Variants in EBF2 observed in about 807,000 individuals in gnomAD.
The protein encoded by EBF2 is EBF transcription factor 2.
Under a neutral mutation model 72.8 loss-of-function variants are expected in EBF2, and 21 were observed. The ratio of observed to expected loss-of-function variants is 0.29; its 90% CI spans 0.20 to 0.42. The LOEUF is 0.42. Among genes scored for constraint, EBF2 ranks in the 10% least tolerant of loss-of-function variants. The pLI is 1.00. For missense variants in EBF2, 637 were observed against 731.2 expected, an observed-to-expected ratio of 0.87 and a Z score of 1.49; for synonymous variants, 299 against 274.2, an observed-to-expected ratio of 1.09 and a Z score of -0.89.
intron 6 of EBF2, among the ~76,000 whole-genome samples, chr8:25,972,252 G>A (rs1006259854): frequency 3.3e-5 from 5 of 152,130 alleles, no homozygotes; most frequent in Admixed American, 6.5e-5. Context: ...CGTAGACCCC[G>A]AGGGAGCCAA....
intron 7 of EBF2, among the ~76,000 whole-genome samples, chr8:25,893,111 A>G (rs1187587040): frequency 6.6e-6 from 1 of 152,184 alleles, no homozygotes; most frequent in African/African-American, 2.4e-5. Flanking sequence ...TGAAGATTGT[A>G]TTGCCTACCC....
chr8:26,042,670 G>A (rs568870142), intron 1 of EBF2, among the ~76,000 whole-genome samples: 31 of 152,306 alleles, frequency 2.0e-4, no homozygotes, highest in Non-Finnish European at 4.0e-4. Flanking sequence ...GCAGAGCTGG[G>A]GCCCAGGGTT....
chr8:25,892,603 T>C (rs1463326402), intron 7 of EBF2, among the ~76,000 whole-genome samples: 3 of 152,196 alleles, frequency 2.0e-5, no homozygotes, highest in Non-Finnish European at 4.4e-5. Context: ...TTTGATGACA[T>C]CTTTTTAAGT....
intron 15 of EBF2, among the ~76,000 whole-genome samples, chr8:25,847,854 C>G (rs1801870002): frequency 6.6e-6 from 1 of 152,036 alleles, no homozygotes; most frequent in Admixed American, 6.5e-5. Context: ...ACAGGTAGTT[C>G]TATTTTTTTC....
At chr8:25,892,903 G>A (rs1802808365) in intron 7 of EBF2, among the ~76,000 whole-genome samples, 1 of 152,130 alleles carries the variant, frequency 6.6e-6, no homozygotes, top group African/African-American at 2.4e-5. Flanking sequence ...GTTTTCAATT[G>A]TGTCCATGTT....
intron 2 of EBF2, among the ~76,000 whole-genome samples, 187 bp downstream of exon 2, chr8:26,041,908 T>C (rs932673541): frequency 2.0e-5 from 3 of 151,858 alleles, no homozygotes; most frequent in Non-Finnish European, 4.4e-5. Context: ...CAGCTCCAGG[T>C]TGGGGGAGTC....
chr8:26,018,790 T>C (rs1259460516), intron 6 of EBF2, among the ~76,000 whole-genome samples: 1 of 152,118 alleles, frequency 6.6e-6, no homozygotes, highest in African/African-American at 2.4e-5. Context: ...AAGAGGTCCC[T>C]GAGCTTGGAT....
At chr8:26,035,238 G>T (rs968583846) in intron 5 of EBF2, among the ~76,000 whole-genome samples, 2 of 151,754 alleles carry the variant, frequency 1.3e-5, no homozygotes, top group Non-Finnish European at 2.9e-5. Flanking sequence ...AACCTTCCAG[G>T]TTTAAATGAT....
chr8:26,006,294 G>A (rs562314804), intron 6 of EBF2, among the ~76,000 whole-genome samples: 1 of 152,140 alleles, frequency 6.6e-6, no homozygotes, highest in African/African-American at 2.4e-5. Flanking sequence ...ATTTTACAGA[G>A]TAGTATCTAC....
At position 26,026,017 on chromosome 8, in the gene EBF2, T is replaced by A. The variant is rs75371409; in HGVS notation, c.551+7068A>T. On this transcript the variant is annotated intron_variant, in intron 6 of 15. Transcript: ENST00000520164. ...GTGAGACCCTGTCTCTACAAAAAAATAAAATTTAAAAGATAGCCCGGCATA... is the reference window on the plus strand; with the variant it reads ...GTGAGACCCTGTCTCTACAAAAAAAAAAAATTTAAAAGATAGCCCGGCATA... Among the ~76,000 whole-genome samples the A allele has an allele frequency of 4.0e-3, 612 of 151,918 alleles. 3 individuals carry two copies. Among genetic ancestry groups the A allele is most frequent in the African/African-American group, 0.014 (582 of 41,404 alleles).
intron 6 of EBF2, among the ~76,000 whole-genome samples, chr8:25,909,952 T>C (rs956652172): frequency 2.6e-5 from 4 of 152,126 alleles, no homozygotes; most frequent in Non-Finnish European, 4.4e-5. Flanking sequence ...TTTTCACTTC[T>C]CTCTTTCAAT....
intron 6 of EBF2, among the ~76,000 whole-genome samples, chr8:25,952,424 AAAT>A (rs1803878270): frequency 6.6e-6 from 1 of 152,186 alleles, no homozygotes; most frequent in Non-Finnish European, 1.5e-5. Context: ...TTTTAAATAA[AAAT>A]AATGTATAAA....
At chr8:25,890,017 T>G (rs1802752440) in intron 7 of EBF2, 148 bp from the exon 8 acceptor site, 2 of 674,964 alleles carry the variant, frequency 3.0e-6, no homozygotes, top group African/African-American at 3.6e-5. Context: ...AGTTTTCTCC[T>G]TCTGTAATTA....
At position 26,044,896 on chromosome 8, in the gene EBF2, AAG is replaced by A; in HGVS notation, c.-39_-38del. The A allele has an allele frequency of 6.2e-7, 1 of 1,609,700 alleles. No homozygotes were observed. Among genetic ancestry groups the A allele is most frequent in the Non-Finnish European group, 8.5e-7 (1 of 1,177,446 alleles). ...GATCCTCTACTGTCGCTTTAAAAGTAAGAGTTACAACACAGTCCTGACTGTTC... is the reference window on the plus strand; with the variant it reads ...GATCCTCTACTGTCGCTTTAAAAGTAAGTTACAACACAGTCCTGACTGTTC... On this transcript the variant is annotated 5_prime_UTR_variant, in exon 1 of 16. Coordinates refer to ENST00000520164, the MANE Select transcript of EBF2 (RefSeq NM_022659.4). The surrounding 1 kb of genome is among the most constrained non-coding windows in gnomAD (Gnocchi z 4.1).
At chr8:26,003,844 T>C (rs1445697413) in intron 6 of EBF2, among the ~76,000 whole-genome samples, 1 of 152,044 alleles carries the variant, frequency 6.6e-6, no homozygotes, top group East Asian at 1.9e-4. Flanking sequence ...TCCTGAAAAA[T>C]CACCTCTCTG....
In EBF2 at chr8:25,895,010, C is replaced by T. The variant is rs575724219; in HGVS notation, c.634-5141G>A. 3.3e-4 allele frequency among the ~76,000 whole-genome samples: 51 copies of T among 152,336 alleles called. 1 individual carries two copies. In the South Asian group the frequency reaches 0.01, roughly 31 times the overall value. ...TTTTCTAAGGCTGTCACTCTATTGG[C>T]ACTGCCATTCTGCTGGCATGGCCCT... On this transcript the variant is annotated intron_variant, in intron 7 of 15. Coordinates refer to ENST00000520164, the MANE Select transcript of EBF2 (RefSeq NM_022659.4).
chr8:25,915,568 TCCAAAGAGATGGCATAGC>T (rs1803199719), intron 6 of EBF2, among the ~76,000 whole-genome samples: 1 of 139,954 alleles, frequency 7.1e-6, no homozygotes, highest in Admixed American at 7.5e-5. Flanking sequence ...ACCCAAATTG[TCCAAAGAGATGGCATAGC>T]CCAAATAGCT....
intron 6 of EBF2, among the ~76,000 whole-genome samples, chr8:25,964,973 GTCAATA>G (rs1804091301): frequency 6.6e-6 from 1 of 152,096 alleles, no homozygotes; most frequent in African/African-American, 2.4e-5. Flanking sequence ...CTGTAGTGAG[GTCAATA>G]TCAATAATTG....
chr8:25,899,442 G>C (rs73553941), intron 7 of EBF2, among the ~76,000 whole-genome samples: 15,479 of 152,138 alleles, frequency 0.1, 2,665 homozygotes, highest in African/African-American at 0.35. Flanking sequence ...AGCTGGAGCA[G>C]CTCTCACACT....
Sources: gnomAD v4.1 joint callset for allele counts (sites outside exome capture counted in the v4.1 genomes callset) on GRCh38, gnomAD v4.1.1 for gene constraint, Gnocchi (gnomAD v3.1) non-coding constraint, MANE v1.5 for transcripts, NCBI Gene and HGNC (gene_info 2026-07-23, HGNC 2026-07-21) for gene names.